The following FAM13A variants were observed in gnomAD, a reference collection of about 807,000 sequenced individuals.
FAM13A encodes the protein family with sequence similarity 13 member A, also known as protein FAM13A.
Under a neutral mutation model 129.6 loss-of-function variants are expected in FAM13A, and 76 were observed. The observed-to-expected ratio is 0.59, with a 90% CI of 0.49 to 0.71. The LOEUF is 0.71. FAM13A is among the 30% of genes least tolerant of loss of function. FAM13A has a pLI of 0.00. For synonymous variants in FAM13A, 443 were observed against 449.9 expected (o/e 0.98, Z 0.20); for missense variants, 1,108 against 1,249.3 (o/e 0.89, Z 1.70).
At chr4:88,913,550 A>AGAGGAGGAG (rs371770730) in intron 5 of FAM13A, among the ~76,000 whole-genome samples, 8 of 151,570 alleles carry the variant, frequency 5.3e-5, no homozygotes, top group Non-Finnish European at 1.2e-4. Context: ...AAGAGGAGGA[A>AGAGGAGGAG]GAGGAGGAGG....
At position 88,853,213 on chromosome 4, in the gene FAM13A, G is replaced by A. The variant is rs144345850; in HGVS notation, c.844-2030C>T. 7.2e-3 allele frequency among the ~76,000 whole-genome samples: 1,102 copies of A among 152,200 alleles called. 15 individuals are homozygous for A. Among genetic ancestry groups the A allele is most frequent in the African/African-American group, 0.025 (1,032 of 41,540 alleles). ...TCTGTAGTCCATATTTGCTGAGACT[G>A]ACTTTTTTATTGACAAAAATTATAT... On this transcript the variant is annotated intron_variant, in intron 6 of 23. Transcript: ENST00000264344.
At chr4:88,883,683 T>C (rs750846166) in intron 6 of FAM13A, among the ~76,000 whole-genome samples, 2 of 151,666 alleles carry the variant, frequency 1.3e-5, no homozygotes, top group African/African-American at 4.8e-5. Flanking sequence ...CTAAATGAAA[T>C]AGAAACAAAC....
rs1742167696 is a variant in FAM13A, at chr4:88,749,772, C to T, written c.2078G>A (p.Arg693Lys). 1.9e-6 allele frequency: 3 copies of T among 1,614,070 alleles called. No homozygotes were observed. Among genetic ancestry groups the T allele is most frequent in the Non-Finnish European group, 1.7e-6 (2 of 1,179,940 alleles). ...AGAACAGTGTGAGGGGACACTTACT[C>T]TGTACTTCTTCTCTTCTTCGAATCT... Reference protein sequence around the residue: ...EDRFEEEKKYRPSHSDKAANP... With the variant: ...EDRFEEEKKYKPSHSDKAANP... The change falls in exon 16 of 24, where the codon AGA (arginine) becomes AAA (lysine). Residue 693 changes from arginine to lysine, a missense_variant and splice_region_variant. Physicochemically the swap from Arg to Lys is conservative, Grantham distance 26. Transcript: ENST00000264344.
chr4:88,843,123 T>G (rs1736104592), intron 7 of FAM13A, among the ~76,000 whole-genome samples: 1 of 152,194 alleles, frequency 6.6e-6, no homozygotes, highest in African/African-American at 2.4e-5. Context: ...GAGTTAGATA[T>G]TTCTTCTAAT....
At chr4:88,870,769 G>A (rs537385024) in intron 6 of FAM13A, among the ~76,000 whole-genome samples, 2 of 152,328 alleles carry the variant, frequency 1.3e-5, no homozygotes, top group South Asian at 2.1e-4. Context: ...AGACAGCAGT[G>A]ATTCTTCCAG....
At chr4:88,921,940 A>G (rs1353606154) in intron 5 of FAM13A, among the ~76,000 whole-genome samples, 1 of 152,098 alleles carries the variant, frequency 6.6e-6, no homozygotes, top group African/African-American at 2.4e-5. Flanking sequence ...AACAAAGATC[A>G]AAAGAGACAA....
At chr4:88,969,825 G>A (rs1026038558) in intron 4 of FAM13A, among the ~76,000 whole-genome samples, 2 of 152,228 alleles carry the variant, frequency 1.3e-5, no homozygotes, top group Non-Finnish European at 2.9e-5. Context: ...AGGGCATAGA[G>A]ATAGTGAATG....
At chr4:88,962,925 G>C (rs1257537544) in intron 4 of FAM13A, among the ~76,000 whole-genome samples, 2 of 151,918 alleles carry the variant, frequency 1.3e-5, no homozygotes, top group Non-Finnish European at 2.9e-5. Flanking sequence ...ATTTAAATAA[G>C]ATTAGTAACA....
chr4:88,789,503 C>G (rs1724670438), intron 9 of FAM13A, among the ~76,000 whole-genome samples: 1 of 152,088 alleles, frequency 6.6e-6, no homozygotes, highest in Non-Finnish European at 1.5e-5. Context: ...CATGTCCCAG[C>G]AAGTAAGGAG....
intron 13 of FAM13A, 123 bp from the exon 14 acceptor site, chr4:88,759,024 G>C: frequency 9.8e-7 from 1 of 1,019,496 alleles, no homozygotes; most frequent in Non-Finnish European, 1.4e-6. Context: ...ATCCAGCACA[G>C]AAATAAAAAT....
chr4:88,786,693 T>C (rs1346118114), intron 10 of FAM13A, among the ~76,000 whole-genome samples: 3 of 152,142 alleles, frequency 2.0e-5, no homozygotes, highest in Non-Finnish European at 4.4e-5. Flanking sequence ...AAATTACATT[T>C]GCTAATATAG....
At chr4:88,848,606 A>C (rs1398596443) in intron 7 of FAM13A, among the ~76,000 whole-genome samples, 3 of 152,122 alleles carry the variant, frequency 2.0e-5, no homozygotes, top group African/African-American at 4.8e-5. Flanking sequence ...GAAGGCTCTT[A>C]CTTGCGCTGA....
At chr4:88,787,007 A>T (rs1162306175) in intron 10 of FAM13A, among the ~76,000 whole-genome samples, 2 of 152,126 alleles carry the variant, frequency 1.3e-5, no homozygotes, top group African/African-American at 4.8e-5. Flanking sequence ...GTCAATAAAA[A>T]TAACCTTGGA....
chr4:88,957,842 A>G (rs1218011480), intron 4 of FAM13A, among the ~76,000 whole-genome samples: 1 of 152,194 alleles, frequency 6.6e-6, no homozygotes, highest in Non-Finnish European at 1.5e-5. Flanking sequence ...ACTTGGCTGC[A>G]CTCTGCTCAT....
In FAM13A at chr4:88,733,045, TAA is replaced by T. The variant is rs562543803; in HGVS notation, c.2647-849_2647-848del. On this transcript the variant is annotated intron_variant, in intron 21 of 23. Transcript: ENST00000264344. ...GACCACAGAGAATAACTTACTATCC[TAA>T]AAAATTTAAAAATTGGTTCGGAATA... 5.2e-4 allele frequency among the ~76,000 whole-genome samples: 79 copies of T among 152,214 alleles called. 1 individual carries two copies. The highest frequency in any genetic ancestry group is 1.8e-3 in the African/African-American group (76 of 41,538).
chr4:88,763,028 A>G (rs1258830132), intron 13 of FAM13A, among the ~76,000 whole-genome samples: 1 of 152,214 alleles, frequency 6.6e-6, no homozygotes, highest in East Asian at 1.9e-4. Flanking sequence ...CTCTTAGGTG[A>G]GACAACAGAG....
At chr4:89,053,773 C>A (rs1771888503) in intron 1 of FAM13A, among the ~76,000 whole-genome samples, 1 of 151,800 alleles carries the variant, frequency 6.6e-6, no homozygotes, top group Non-Finnish European at 1.5e-5. Context: ...ATCATAATAT[C>A]CAGAGTATAA....
chr4:88,913,651 T>A (rs977391832), intron 5 of FAM13A, among the ~76,000 whole-genome samples: 1 of 152,232 alleles, frequency 6.6e-6, no homozygotes, highest in Non-Finnish European at 1.5e-5. Flanking sequence ...AATTGCCTGG[T>A]ATAGCAGGAA....
intron 6 of FAM13A, among the ~76,000 whole-genome samples, chr4:88,881,640 G>A (rs939177218): frequency 6.6e-6 from 1 of 152,096 alleles, no homozygotes; most frequent in Non-Finnish European, 1.5e-5. Context: ...TCTCTGAATT[G>A]CCAGAAAAAG....
Sources: allele counts gnomAD v4.1 joint callset (sites outside exome capture counted in the v4.1 genomes callset), GRCh38; gene constraint gnomAD v4.1.1; transcripts MANE v1.5; gene names NCBI Gene and HGNC (gene_info 2026-07-23, HGNC 2026-07-21).